Variants in SPOCK3 observed in about 807,000 individuals in gnomAD.
SPOCK3 encodes testican-3.
Under a neutral mutation model 56.6 loss-of-function variants are expected in SPOCK3, and 30 were observed. That is an observed-to-expected ratio of 0.53 (90% CI 0.40 to 0.72). The LOEUF is 0.72. Among genes scored for constraint, SPOCK3 ranks in the 30% least tolerant of loss-of-function variants. The pLI, the probability that SPOCK3 is intolerant of heterozygous loss-of-function variation, is 0.00. For missense variants in SPOCK3, 527 were observed against 530.0 expected (o/e 0.99, Z 0.06); for synonymous variants, 196 against 183.3 (o/e 1.07, Z -0.56).
chr4:166,983,909 G>A (rs1355977663), intron 4 of SPOCK3, among the ~76,000 whole-genome samples: 1 of 151,970 alleles, frequency 6.6e-6, no homozygotes, highest in Non-Finnish European at 1.5e-5. Context: ...AATATGTACT[G>A]AGTTGAAAAT....
intron 2 of SPOCK3, among the ~76,000 whole-genome samples, chr4:167,191,996 T>C (rs1267137969): frequency 1.4e-5 from 2 of 145,748 alleles, no homozygotes; most frequent in East Asian, 4.1e-4. Flanking sequence ...TAAAAGTATA[T>C]TGAATTTTTC....
chr4:166,767,220 C>T (rs1174296135), intron 7 of SPOCK3, among the ~76,000 whole-genome samples: 1 of 151,942 alleles, frequency 6.6e-6, no homozygotes, highest in African/African-American at 2.4e-5. Flanking sequence ...TTATTTCTTG[C>T]CTTCTGCTAG....
chr4:166,773,035 G>A (rs1200583335), intron 7 of SPOCK3, among the ~76,000 whole-genome samples: 1 of 152,092 alleles, frequency 6.6e-6, no homozygotes, highest in African/African-American at 2.4e-5. Flanking sequence ...CAAGCAATTT[G>A]CCTGCTTTGT....
At chr4:167,153,372 T>G (rs1764569827) in intron 2 of SPOCK3, among the ~76,000 whole-genome samples, 1 of 152,212 alleles carries the variant, frequency 6.6e-6, no homozygotes, top group South Asian at 2.1e-4. Context: ...ATTCTAGACT[T>G]TCTTTCTTAG....
intron 6 of SPOCK3, among the ~76,000 whole-genome samples, chr4:166,842,169 T>G (rs1747479765): frequency 6.6e-6 from 1 of 152,004 alleles, no homozygotes; most frequent in Non-Finnish European, 1.5e-5. Flanking sequence ...ACCCAAAGAG[T>G]GAGCAGCAGC....
At chr4:166,794,716 C>T (rs1358942421) in intron 6 of SPOCK3, among the ~76,000 whole-genome samples, 2 of 146,930 alleles carry the variant, frequency 1.4e-5, no homozygotes, top group East Asian at 4.0e-4. Context: ...AGTCTCGGCT[C>T]ACTGCAACCT....
intron 6 of SPOCK3, among the ~76,000 whole-genome samples, chr4:166,847,617 TAA>T (rs1748195015): frequency 5.1e-5 from 6 of 117,410 alleles, no homozygotes; most frequent in Admixed American, 2.9e-4. Context: ...TGGGTAAAAT[TAA>T]GCCACAATTC....
intron 2 of SPOCK3, among the ~76,000 whole-genome samples, chr4:167,088,070 C>T (rs1758365532): frequency 6.6e-6 from 1 of 151,842 alleles, no homozygotes; most frequent in Non-Finnish European, 1.5e-5. Context: ...ATCTTAGAAG[C>T]AAAAGTAAAG....
intron 6 of SPOCK3, among the ~76,000 whole-genome samples, chr4:166,794,789 C>G (rs1331847106): frequency 1.3e-5 from 2 of 151,676 alleles, no homozygotes; most frequent in Non-Finnish European, 2.9e-5. Context: ...ATTACAAGCC[C>G]CCGCCACCAG....
intron 7 of SPOCK3, among the ~76,000 whole-genome samples, chr4:166,789,070 T>G (rs1741050930): frequency 7.1e-6 from 1 of 140,070 alleles, no homozygotes; most frequent in Non-Finnish European, 1.6e-5. Context: ...CCTGAAGACA[T>G]TCTATATCTT....
chr4:167,002,726 G>A (rs1241912819), intron 3 of SPOCK3, among the ~76,000 whole-genome samples: 3 of 151,882 alleles, frequency 2.0e-5, no homozygotes, highest in East Asian at 3.9e-4. Context: ...AGCTGTCTTC[G>A]AAATACTGCA....
intron 4 of SPOCK3, among the ~76,000 whole-genome samples, chr4:166,995,889 C>A (rs1443532148): frequency 1.3e-5 from 2 of 152,094 alleles, no homozygotes; most frequent in South Asian, 4.1e-4. Flanking sequence ...CAATTCAGTT[C>A]AGCAAACATT....
rs538425416 is a variant in SPOCK3 at position 167,163,283 on chromosome 4, G to T, written c.189+70702C>A. Among the ~76,000 whole-genome samples the T allele has an allele frequency of 1.7e-3, 254 of 147,762 alleles. 1 individual carries two copies. The highest frequency in any genetic ancestry group is 5.6e-3 in the African/African-American group (224 of 40,146). On this transcript the variant is annotated intron_variant, in intron 2 of 10. Coordinates refer to ENST00000357545, the MANE Select transcript of SPOCK3 (RefSeq NM_001040159.2). ...TTTTTAAAACATTTATTTTTTACAT[G>T]AAAATTTTATTTAATTTTTAATTTT...
intron 3 of SPOCK3, among the ~76,000 whole-genome samples, chr4:167,044,375 C>T (rs963836601): frequency 2.6e-5 from 4 of 151,770 alleles, no homozygotes; most frequent in African/African-American, 9.7e-5. Flanking sequence ...ATGACCTTTT[C>T]AAAGAACCAG....
At chr4:167,009,745 C>T (rs34244687) in intron 3 of SPOCK3, among the ~76,000 whole-genome samples, 1 of 151,928 alleles carries the variant, frequency 6.6e-6, no homozygotes, top group African/African-American at 2.4e-5. Flanking sequence ...CAAATTTAAT[C>T]CACTCAAAAA....
chr4:167,209,939 A>G (rs1436695672), intron 2 of SPOCK3, among the ~76,000 whole-genome samples: 2 of 152,250 alleles, frequency 1.3e-5, no homozygotes, highest in East Asian at 3.9e-4. Context: ...AGGGCAGTGA[A>G]GGGGGACATC....
intron 2 of SPOCK3, among the ~76,000 whole-genome samples, chr4:167,068,702 T>TA (rs1756393368): frequency 6.6e-6 from 1 of 151,890 alleles, no homozygotes; most frequent in Non-Finnish European, 1.5e-5. Flanking sequence ...CTTATGATTT[T>TA]ATTTTTTTCA....
intron 4 of SPOCK3, among the ~76,000 whole-genome samples, chr4:166,934,012 G>C (rs1740087921): frequency 6.6e-6 from 1 of 152,044 alleles, no homozygotes; most frequent in Admixed American, 6.6e-5. Context: ...TCCATAGAAT[G>C]AAAACAGGCA....
At chr4:166,944,279 A>G (rs536689992) in intron 4 of SPOCK3, among the ~76,000 whole-genome samples, 5 of 152,276 alleles carry the variant, frequency 3.3e-5, no homozygotes, top group Non-Finnish European at 7.4e-5. Flanking sequence ...CGTTGCTGAC[A>G]TGATATTCTA....
Sources: allele counts gnomAD v4.1 joint callset (sites outside exome capture counted in the v4.1 genomes callset), GRCh38; gene constraint gnomAD v4.1.1; transcripts MANE v1.5; gene names NCBI Gene and HGNC (gene_info 2026-07-23, HGNC 2026-07-21).